RBPMS: variants seen among roughly 807,000 people sequenced by gnomAD.
RBPMS encodes the protein RNA binding protein, mRNA processing factor, also known as RNA-binding protein with multiple splicing.
A neutral mutation model predicts 26.8 loss-of-function variants in RBPMS; 7 were observed. That is an observed-to-expected ratio of 0.26 (90% CI 0.15 to 0.49). The LOEUF is 0.49. Among genes scored for constraint, RBPMS ranks in the 20% least tolerant of loss-of-function variants. The pLI, the probability that RBPMS is intolerant of heterozygous loss-of-function variation, is 0.98. For missense variants in RBPMS, 186 were observed against 250.0 expected (o/e 0.74, Z 1.73); for synonymous variants, 96 against 93.3 (o/e 1.03, Z -0.17).
rs186187869 is a variant in RBPMS, at chr8:30,433,053, A to G, written c.67-41726A>G. ...TAAGAATAGACCCCTCTTTCAGTCT[A>G]AAAACCAGATAAACTGTCCTACAGT... On this transcript the variant is annotated intron_variant, in intron 1 of 8. Transcript: ENST00000397323. Among the ~76,000 whole-genome samples the G allele has an allele frequency of 1.9e-3, 287 of 152,322 alleles. 1 individual carries two copies. Among genetic ancestry groups the G allele is most frequent in the African/African-American group, 6.2e-3 (258 of 41,576 alleles).
chr8:30,504,470 A>T (rs1563385055), intron 5 of RBPMS, 34 bp downstream of exon 5: 20 of 1,602,732 alleles, frequency 1.2e-5, no homozygotes, highest in Non-Finnish European at 1.7e-5. Context: ...AAAAGTAATA[A>T]TAACTAAGAA....
chr8:30,483,627 A>AT (rs1490286741), intron 4 of RBPMS, among the ~76,000 whole-genome samples: 1 of 151,974 alleles, frequency 6.6e-6, no homozygotes, highest in Non-Finnish European at 1.5e-5. Flanking sequence ...AAATTTTGCT[A>AT]TTTTAATGAC....
rs1563393243 is a variant in RBPMS at position 30,511,489 on chromosome 8, ATATATATATATATATATATAT to A, written c.397+7054_397+7074del. Among the ~76,000 whole-genome samples the A allele has an allele frequency of 0.011, 83 of 7,576 alleles. 3 individuals carry two copies. In the South Asian group the frequency reaches 0.12, roughly 11 times the overall value. The allele number at this position is 7,576 out of a possible 152,430, so 5.0% of individuals were successfully genotyped here. A position where few individuals can be genotyped will look rare whatever the true frequency, so the allele number is the denominator to read the frequency against. On this transcript the variant is annotated intron_variant, in intron 5 of 8. Transcript: ENST00000397323. ...AAAAAAAGAAAAAAAAAAAAAAAATATATATATATATATATATATATATATATATATATATATTTCTGTGTG... is the reference window on the plus strand; with the variant it reads ...AAAAAAAGAAAAAAAAAAAAAAAATAATATATATATATATATTTCTGTGTG...
intron 5 of RBPMS, among the ~76,000 whole-genome samples, chr8:30,526,207 C>G (rs932218253): frequency 6.6e-6 from 1 of 152,230 alleles, no homozygotes; most frequent in African/African-American, 2.4e-5. Flanking sequence ...CAATACTCAG[C>G]TCTGGGAGTC....
At chr8:30,515,406 G>A (rs1822199542) in intron 5 of RBPMS, among the ~76,000 whole-genome samples, 1 of 152,108 alleles carries the variant, frequency 6.6e-6, no homozygotes, top group Non-Finnish European at 1.5e-5. Context: ...CCAGTTACCT[G>A]TAAAGGGTAT....
chr8:30,436,293 A>G (rs745626668), intron 1 of RBPMS, among the ~76,000 whole-genome samples: 4 of 152,034 alleles, frequency 2.6e-5, no homozygotes, highest in Non-Finnish European at 5.9e-5. Flanking sequence ...GACAGTTCCA[A>G]TGGTTGCACA....
intron 4 of RBPMS, among the ~76,000 whole-genome samples, chr8:30,499,762 C>A (rs927657711): frequency 1.3e-5 from 2 of 152,068 alleles, no homozygotes; most frequent in Admixed American, 1.3e-4. Context: ...TGGATTAGAT[C>A]TTGGATCAGG....
intron 1 of RBPMS, among the ~76,000 whole-genome samples, chr8:30,445,649 G>GATATATATATATATATATAT (rs59580323): frequency 0.024 from 2,596 of 106,766 alleles, 155 homozygotes; most frequent in African/African-American, 0.037. Flanking sequence ...TATACACACG[G>GATATATATATATATATATAT]ATATATATAT....
intron 1 of RBPMS, chr8:30,446,831 GTGTGTGTGTGT>G (rs1360503178): frequency 5.0e-4 from 51 of 101,082 alleles, no homozygotes; most frequent in African/African-American, 2.5e-3. Context: ...GTGTGTGTGT[GTGTGTGTGTGT>G]GCGCGCGCGC....
intron 1 of RBPMS, among the ~76,000 whole-genome samples, chr8:30,413,375 T>C (rs1289322716): frequency 6.6e-6 from 1 of 152,146 alleles, no homozygotes; most frequent in Non-Finnish European, 1.5e-5. Flanking sequence ...CTGGCCAGCA[T>C]TGTTCGAATT....
intron 1 of RBPMS, among the ~76,000 whole-genome samples, chr8:30,385,998 A>G (rs1807027019): frequency 6.6e-6 from 1 of 152,188 alleles, no homozygotes; most frequent in South Asian, 2.1e-4. Context: ...ATCCTACCAA[A>G]TGACTCTTTT....
intron 1 of RBPMS, among the ~76,000 whole-genome samples, chr8:30,441,400 T>C (rs1813060403): frequency 6.6e-6 from 1 of 152,196 alleles, no homozygotes; most frequent in African/African-American, 2.4e-5. Flanking sequence ...GTAGCTAAAA[T>C]TGCAGATCTC....
chr8:30,454,582 A>G (rs566058581), intron 1 of RBPMS, among the ~76,000 whole-genome samples: 1 of 152,334 alleles, frequency 6.6e-6, no homozygotes, highest in African/African-American at 2.4e-5. Context: ...TACATAGTTT[A>G]TGTACCATCC....
intron 1 of RBPMS, among the ~76,000 whole-genome samples, chr8:30,391,315 T>A (rs1048008045): frequency 2.6e-5 from 4 of 152,230 alleles, no homozygotes; most frequent in African/African-American, 9.6e-5. Context: ...TGGAAGAGCA[T>A]GGACTCCCTG....
chr8:30,489,108 G>A (rs1451125801), intron 4 of RBPMS, among the ~76,000 whole-genome samples: 1 of 148,538 alleles, frequency 6.7e-6, no homozygotes, highest in Non-Finnish European at 1.5e-5. Flanking sequence ...GTGCAGTGGT[G>A]CCATCATGAC....
intron 1 of RBPMS, among the ~76,000 whole-genome samples, chr8:30,470,348 C>T (rs1325234404): frequency 2.0e-5 from 3 of 151,868 alleles, no homozygotes; most frequent in African/African-American, 7.3e-5. Context: ...CACGCCATTG[C>T]ACTCCAGCCT....
chr8:30,545,794 C>T (rs1042719218), intron 6 of RBPMS, among the ~76,000 whole-genome samples: 2 of 152,158 alleles, frequency 1.3e-5, no homozygotes, highest in Non-Finnish European at 2.9e-5. Context: ...GCATTGATGA[C>T]CCGGCTTCCT....
At chr8:30,436,647 A>G (rs1355207738) in intron 1 of RBPMS, among the ~76,000 whole-genome samples, 1 of 152,224 alleles carries the variant, frequency 6.6e-6, no homozygotes, top group African/African-American at 2.4e-5. Context: ...TAGGACTGCA[A>G]TAGTTTTCTC....
At chr8:30,549,876 A>C (rs1826214155) in intron 6 of RBPMS, among the ~76,000 whole-genome samples, 1 of 132,596 alleles carries the variant, frequency 7.5e-6, no homozygotes, top group African/African-American at 2.9e-5. Flanking sequence ...TCTGAGGCAG[A>C]GTCTCGCTCT....
Sources: allele counts gnomAD v4.1 joint callset (sites outside exome capture counted in the v4.1 genomes callset), GRCh38; gene constraint gnomAD v4.1.1; transcripts MANE v1.5; gene names NCBI Gene and HGNC (gene_info 2026-07-23, HGNC 2026-07-21).